GRM3: variants seen among roughly 807,000 people sequenced by gnomAD.
GRM3 encodes metabotropic glutamate receptor 3.
Under a neutral mutation model 70.5 loss-of-function variants are expected in GRM3, and 26 were observed. The ratio of observed to expected loss-of-function variants is 0.37; its 90% CI spans 0.27 to 0.51. The LOEUF is 0.51. GRM3 is among the 20% of genes least tolerant of loss of function. The pLI is 0.93. For synonymous variants in GRM3, 443 were observed against 434.9 expected (o/e 1.02, Z -0.23); for missense variants, 859 against 1,123.8 (o/e 0.76, Z 3.37).
chr7:86,797,734 A>G (rs940068960), intron 3 of GRM3, among the ~76,000 whole-genome samples: 12 of 152,192 alleles, frequency 7.9e-5, no homozygotes, highest in African/African-American at 2.7e-4. Flanking sequence ...GACAATTGGG[A>G]AAATATCTCC....
At chr7:86,848,179 G>GTCTT (rs1327083063) in intron 4 of GRM3, among the ~76,000 whole-genome samples, 1 of 152,248 alleles carries the variant, frequency 6.6e-6, no homozygotes, top group East Asian at 1.9e-4. Context: ...ATTGAAAATT[G>GTCTT]TCTTTATTAA....
At chr7:86,834,349 T>C (rs1231284235) in intron 3 of GRM3, among the ~76,000 whole-genome samples, 1 of 152,208 alleles carries the variant, frequency 6.6e-6, no homozygotes, top group African/African-American at 2.4e-5. Context: ...TTGTATTTTC[T>C]ACTTGCCATC....
At chr7:86,662,974 A>C (rs1793932093) in intron 1 of GRM3, among the ~76,000 whole-genome samples, 1 of 152,012 alleles carries the variant, frequency 6.6e-6, no homozygotes, top group South Asian at 2.1e-4. Context: ...AAATTTAAAA[A>C]AACTGCCCCA....
chr7:86,862,466 G>A (rs1341870687), intron 5 of GRM3, among the ~76,000 whole-genome samples: 1 of 152,220 alleles, frequency 6.6e-6, no homozygotes, highest in East Asian at 1.9e-4. Flanking sequence ...GGCACATACT[G>A]TGTTACCAAT....
intron 1 of GRM3, among the ~76,000 whole-genome samples, chr7:86,693,314 C>A (rs901596484): frequency 2.0e-5 from 3 of 152,212 alleles, no homozygotes; most frequent in Non-Finnish European, 2.9e-5. Context: ...CAAAGCCTAC[C>A]TTAGGACATG....
chr7:86,717,686 G>T (rs905468576), intron 1 of GRM3, among the ~76,000 whole-genome samples: 1 of 151,950 alleles, frequency 6.6e-6, no homozygotes, highest in African/African-American at 2.4e-5. Flanking sequence ...AACCACAGAA[G>T]TGGGAAATCC....
intron 1 of GRM3, among the ~76,000 whole-genome samples, chr7:86,721,656 C>T (rs554556986): frequency 3.3e-5 from 5 of 152,010 alleles, no homozygotes; most frequent in Non-Finnish European, 7.4e-5. Context: ...TCTCTATCAT[C>T]GAGCCAAAGG....
chr7:86,844,305 A>G (rs1012542029), intron 4 of GRM3, among the ~76,000 whole-genome samples: 1 of 152,206 alleles, frequency 6.6e-6, no homozygotes, highest in Admixed American at 6.5e-5. Flanking sequence ...GCAGCCAGAC[A>G]TTGGAATTCT....
rs1400489846 is a variant in GRM3 at position 86,864,877 on chromosome 7, G to A, written c.*522G>A. 1 of 152,584 alleles carries A rather than the reference G, an allele frequency of 6.6e-6. No homozygotes were observed. The highest frequency in any genetic ancestry group is 1.9e-4 in the East Asian group (1 of 5,180). The allele number at this position is 152,584 out of a possible 1,614,324, so 9.5% of individuals were successfully genotyped here. On this transcript the variant is annotated 3_prime_UTR_variant, in exon 6 of 6. Coordinates refer to ENST00000361669, the MANE Select transcript of GRM3 (RefSeq NM_000840.3). ...AGAATAAAACCTTCAAGGTTTTCCA[G>A]CATGGTGGATAATGGTTTGTTCTTT...
chr7:86,757,624 C>T (rs1796379328), intron 1 of GRM3, among the ~76,000 whole-genome samples: 1 of 152,122 alleles, frequency 6.6e-6, no homozygotes, highest in Non-Finnish European at 1.5e-5. Context: ...CAGCTCACTG[C>T]CCCACAAATA....
At chr7:86,767,205 T>C (rs968012550) in intron 2 of GRM3, among the ~76,000 whole-genome samples, 1 of 151,590 alleles carries the variant, frequency 6.6e-6, no homozygotes, top group Non-Finnish European at 1.5e-5. Context: ...TGAGCAAGAC[T>C]TCATCTCAAA....
chr7:86,707,891 G>C (rs936996676), intron 1 of GRM3, among the ~76,000 whole-genome samples: 19 of 152,062 alleles, frequency 1.2e-4, no homozygotes, highest in African/African-American at 4.3e-4. Flanking sequence ...AGGCACTGAT[G>C]AAAGCACTTT....
At chr7:86,681,896 G>A (rs1794450575) in intron 1 of GRM3, among the ~76,000 whole-genome samples, 2 of 152,134 alleles carry the variant, frequency 1.3e-5, no homozygotes, top group Admixed American at 6.6e-5. Context: ...TGATATGTGG[G>A]TGGTGTATAA....
Position 86,644,514 on chromosome 7 carries a change from C to T in GRM3, c.-499C>T, listed in dbSNP as rs2115731623. On this transcript the variant is annotated 5_prime_UTR_variant, in exon 1 of 6. Coordinates refer to ENST00000361669, the MANE Select transcript of GRM3 (RefSeq NM_000840.3). ...CTGGGAAGAGCTCCCCTCCCCTCCG[C>T]GGAAGACCACTGGGTCCCCTCTTTC... 5 of 359,192 alleles carry T rather than the reference C, an allele frequency of 1.4e-5. No individual in the cohort carries two copies. Among genetic ancestry groups the T allele is most frequent in the South Asian group, 4.1e-5 (2 of 48,664 alleles). The allele number at this position is 359,192 out of a possible 1,614,324, so 22.3% of individuals were successfully genotyped here. A position where few individuals can be genotyped will look rare whatever the true frequency, so the allele number is the denominator to read the frequency against.
intron 1 of GRM3, among the ~76,000 whole-genome samples, chr7:86,679,051 A>T (rs1282421872): frequency 6.6e-6 from 1 of 152,080 alleles, no homozygotes; most frequent in Non-Finnish European, 1.5e-5. Context: ...ACATATTAAT[A>T]GCTAGGTAAA....
intron 1 of GRM3, among the ~76,000 whole-genome samples, chr7:86,746,374 T>TATATATAA (rs71524681): frequency 7.5e-6 from 1 of 132,980 alleles, no homozygotes; most frequent in African/African-American, 2.7e-5. Context: ...TATATATATA[T>TATATATAA]AATCACTTCA....
intron 3 of GRM3, among the ~76,000 whole-genome samples, chr7:86,789,329 G>A (rs1382594351): frequency 6.6e-6 from 1 of 152,164 alleles, no homozygotes; most frequent in African/African-American, 2.4e-5. Context: ...AAAATGCTAA[G>A]TTAGCTAACT....
At chr7:86,750,129 G>GA (rs1796196685) in intron 1 of GRM3, among the ~76,000 whole-genome samples, 1 of 152,038 alleles carries the variant, frequency 6.6e-6, no homozygotes, top group South Asian at 2.1e-4. Flanking sequence ...GATAAAAGGA[G>GA]AAAATATATA....
In GRM3 at chr7:86,709,021, A is replaced by C. The variant is rs951026140; in HGVS notation, c.-140-55985A>C. 2.6e-5 allele frequency among the ~76,000 whole-genome samples: 4 copies of C among 152,152 alleles called. No individual in the cohort carries two copies. The East Asian group carries it at 5.8e-4, about 22-fold the overall frequency. On this transcript the variant is annotated intron_variant, in intron 1 of 5. Coordinates refer to ENST00000361669, the MANE Select transcript of GRM3 (RefSeq NM_000840.3). ...AGAAAAAAGTTATAGAGACTATTTC[A>C]CTTTGACACCTAAATTACAACCTAC... is the stretch of plus-strand genomic sequence containing the variant.
Sources: gnomAD v4.1 joint callset for allele counts (sites outside exome capture counted in the v4.1 genomes callset) on GRCh38, gnomAD v4.1.1 for gene constraint, MANE v1.5 for transcripts, NCBI Gene and HGNC (gene_info 2026-07-23, HGNC 2026-07-21) for gene names.